MS4A4E: variants seen among roughly 807,000 people sequenced by gnomAD.
MS4A4E encodes putative membrane-spanning 4-domains subfamily A member 4E.
Under a neutral mutation model 13.3 loss-of-function variants are expected in MS4A4E, and 23 were observed. The ratio of observed to expected loss-of-function variants is 1.73; its 90% CI spans 1.25 to 2.45. MS4A4E has a LOEUF of 2.45. MS4A4E is among the 30% of genes most tolerant of loss of function. MS4A4E has a pLI of 0.00. For missense variants in MS4A4E, 144 were observed against 131.2 expected (o/e 1.10, Z -0.48); for synonymous variants, 36 against 45.6 (o/e 0.79, Z 0.85).
intron 1 of MS4A4E, among the ~76,000 whole-genome samples, chr11:60,242,510 C>A (rs1050141297): frequency 6.6e-6 from 1 of 152,076 alleles, no homozygotes; most frequent in Non-Finnish European, 1.5e-5. Flanking sequence ...TCCATGTACA[C>A]CAAATTCTGC....
chr11:60,237,738 G>T (rs182949953), intron 1 of MS4A4E, among the ~76,000 whole-genome samples: 2 of 151,960 alleles, frequency 1.3e-5, no homozygotes, highest in African/African-American at 2.4e-5. Flanking sequence ...ACTGTTGGCC[G>T]CATGTACATC....
Position 60,242,953 on chromosome 11 carries a change from C to T in MS4A4E, c.-17+5G>A. 3 of 1,570,622 alleles carry T rather than the reference C, an allele frequency of 1.9e-6. No homozygotes were observed. The highest frequency in any genetic ancestry group is 2.3e-5 in the East Asian group (1 of 44,120). On this transcript the variant is annotated splice_donor_5th_base_variant and intron_variant, in intron 1 of 8. Coordinates refer to ENST00000651255, the MANE Select transcript of MS4A4E (RefSeq NM_001393391.1). The stretch of plus-strand genomic sequence containing the variant: ...GAGCCTAGGAAGGCAAGTCCCTGGA[C>T]CTACCTTTCTTCAGGCCTGCAATGT...
chr11:60,214,763 A>C, intron 3 of MS4A4E, 149 bp from the exon 4 acceptor site: 1 of 442,276 alleles, frequency 2.3e-6, no homozygotes, highest in Non-Finnish European at 3.9e-6. Context: ...GATTGCACAT[A>C]ATTTTCTCTT....
chr11:60,234,796 C>G (rs1029689715), intron 1 of MS4A4E, among the ~76,000 whole-genome samples: 6 of 113,936 alleles, frequency 5.3e-5, no homozygotes, highest in African/African-American at 2.0e-4. Flanking sequence ...CCCAAAATAA[C>G]AAAATGGCAC....
intron 3 of MS4A4E, among the ~76,000 whole-genome samples, chr11:60,220,122 A>G (rs560526700): frequency 6.6e-6 from 1 of 152,324 alleles, no homozygotes; most frequent in South Asian, 2.1e-4. Context: ...CCATCCCTGA[A>G]GGGATTGCAG....
intron 1 of MS4A4E, among the ~76,000 whole-genome samples, chr11:60,234,242 C>T (rs571752787): frequency 8.3e-4 from 126 of 152,292 alleles, no homozygotes; most frequent in African/African-American, 2.9e-3. Context: ...GGACTTAGAA[C>T]TTTAGACTTG....
chr11:60,208,494 T>A, intron 6 of MS4A4E, 99 bp downstream of exon 6: 1 of 359,994 alleles, frequency 2.8e-6, no homozygotes. Context: ...AACTGAAATA[T>A]AATGAATGTG....
intron 8 of MS4A4E, among the ~76,000 whole-genome samples, chr11:60,203,225 T>C (rs1020811053): frequency 1.3e-5 from 2 of 152,242 alleles, no homozygotes; most frequent in African/African-American, 4.8e-5. Context: ...TTTATATTGT[T>C]TAATAATTCT....
At chr11:60,237,454 G>A (rs2084497539) in intron 1 of MS4A4E, among the ~76,000 whole-genome samples, 1 of 152,086 alleles carries the variant, frequency 6.6e-6, no homozygotes, top group Non-Finnish European at 1.5e-5. Flanking sequence ...ATTCCTTTGG[G>A]TATATACCCA....
intron 2 of MS4A4E, 87 bp downstream of exon 2, chr11:60,229,825 T>C: frequency 7.4e-7 from 1 of 1,360,048 alleles, no homozygotes; most frequent in Non-Finnish European, 1.0e-6. Context: ...ATTATGAGGC[T>C]AGCGGGACAG....
At chr11:60,226,706 C>T (rs1158323359) in intron 3 of MS4A4E, among the ~76,000 whole-genome samples, 1 of 152,144 alleles carries the variant, frequency 6.6e-6, no homozygotes, top group African/African-American at 2.4e-5. Flanking sequence ...AAATTCAAAG[C>T]TTTCTCACTA....
At chr11:60,231,083 A>G (rs930052305) in intron 1 of MS4A4E, among the ~76,000 whole-genome samples, 5 of 152,218 alleles carry the variant, frequency 3.3e-5, no homozygotes, top group Non-Finnish European at 7.4e-5. Context: ...TGATAGATCA[A>G]TGAAAATACA....
Position 60,225,130 on chromosome 11 carries a change from C to T in MS4A4E, c.178+3464G>A, listed in dbSNP as rs1248757648. 4 of 1,462,248 alleles carry T rather than the reference C, an allele frequency of 2.7e-6. No individual in the cohort carries two copies. The African/African-American group carries it at 4.2e-5, about 15-fold the overall frequency. The allele number at this position is 1,462,248 out of a possible 1,614,324, so 90.6% of individuals were successfully genotyped here. ...GAAAGCAAAAACTGATTATCCACCACAAAAATGGTGCTTATGCCACTCCCT... is the reference window on the plus strand; with the variant it reads ...GAAAGCAAAAACTGATTATCCACCATAAAAATGGTGCTTATGCCACTCCCT... On this transcript the variant is annotated intron_variant, in intron 3 of 8. Transcript: ENST00000651255.
chr11:60,208,277 G>A (rs2084072889), intron 6 of MS4A4E, among the ~76,000 whole-genome samples: 1 of 152,168 alleles, frequency 6.6e-6, no homozygotes, highest in African/African-American at 2.4e-5. Flanking sequence ...TAAAGCACTA[G>A]AGACTCTGGC....
At chr11:60,223,598 T>C (rs931284408) in intron 3 of MS4A4E, among the ~76,000 whole-genome samples, 1 of 152,148 alleles carries the variant, frequency 6.6e-6, no homozygotes, top group African/African-American at 2.4e-5. Flanking sequence ...AGATTAACAT[T>C]TGAGTCAGTG....
intron 5 of MS4A4E, among the ~76,000 whole-genome samples, chr11:60,212,011 C>T (rs763921916): frequency 6.6e-5 from 10 of 152,122 alleles, no homozygotes; most frequent in Non-Finnish European, 1.2e-4. Context: ...AAGAACTCTT[C>T]CCCCACACTT....
intron 5 of MS4A4E, among the ~76,000 whole-genome samples, chr11:60,211,838 AG>A (rs1229634388): frequency 1.3e-5 from 2 of 152,212 alleles, no homozygotes; most frequent in Non-Finnish European, 2.9e-5. Flanking sequence ...ACTTGAACCC[AG>A]GAGGTGGAGT....
At chr11:60,227,166 A>G (rs2084354063) in intron 3 of MS4A4E, among the ~76,000 whole-genome samples, 1 of 152,152 alleles carries the variant, frequency 6.6e-6, no homozygotes, top group South Asian at 2.1e-4. Context: ...AAATGGAGAG[A>G]TATTCCATGT....
Position 60,200,446 on chromosome 11 carries a change from G to A in MS4A4E, c.*1097C>T, listed in dbSNP as rs1039372592. Among the ~76,000 whole-genome samples, 4 of 152,044 alleles carry A rather than the reference G, an allele frequency of 2.6e-5. No individual in the cohort carries two copies. The South Asian group carries it at 6.2e-4, about 24-fold the overall frequency. On this transcript the variant is annotated 3_prime_UTR_variant, in exon 9 of 9. Coordinates refer to ENST00000651255, the MANE Select transcript of MS4A4E (RefSeq NM_001393391.1). ...GGCAGAGGACCCTGCGGCCTTCCGA[G>A]GTGTTTGTGTCCCTGGGTACTTGAG...
Sources: allele counts gnomAD v4.1 joint callset (sites outside exome capture counted in the v4.1 genomes callset), GRCh38; gene constraint gnomAD v4.1.1; transcripts MANE v1.5; gene names NCBI Gene and HGNC (gene_info 2026-07-23, HGNC 2026-07-21).